The following STK10 variants were observed in gnomAD, a reference collection of about 807,000 sequenced individuals.
STK10 encodes serine/threonine kinase 10.
STK10 carries 78 observed loss-of-function variants against 113.8 expected under a neutral mutation model. The ratio of observed to expected loss-of-function variants is 0.69; its 90% confidence interval spans 0.57 to 0.83. The LOEUF (loss-of-function observed/expected upper bound fraction) is 0.83, where lower values mean the gene tolerates loss of function less well. STK10 is among the 40% of genes least tolerant of loss of function. The probability of loss-of-function intolerance (pLI) is 0.00; values close to 1 mark genes in which losing one functional copy is unlikely to be tolerated. For synonymous variants in STK10, 465 were observed against 494.7 expected, an observed-to-expected ratio of 0.94 and a Z score of 0.80; for missense variants, 1,109 against 1,280.1, an observed-to-expected ratio of 0.87 and a Z score of 2.04.
intron 7 of STK10, among the ~76,000 whole-genome samples, chr5:172,101,412 G>A (rs868568384): frequency 1.3e-4 from 20 of 151,630 alleles, no homozygotes; most frequent in African/African-American, 4.9e-4. Flanking sequence ...TGGAGGCTGC[G>A]GTAAGCCAAG....
At chr5:172,102,162 C>T (rs931512602) in intron 7 of STK10, among the ~76,000 whole-genome samples, 20 of 151,822 alleles carry the variant, frequency 1.3e-4, no homozygotes, top group African/African-American at 4.4e-4. Flanking sequence ...GGCAGCAGCC[C>T]GAGTGAGAGG....
chr5:172,071,212 C>CA (rs369407918), intron 12 of STK10, among the ~76,000 whole-genome samples: 1,355 of 26,518 alleles, frequency 0.051, 238 homozygotes, highest in Non-Finnish European at 0.071. Context: ...CTCTCTATCT[C>CA]AAAAAAAAAA....
intron 1 of STK10, among the ~76,000 whole-genome samples, chr5:172,162,918 C>T (rs569056709): frequency 6.6e-6 from 1 of 152,222 alleles, no homozygotes; most frequent in South Asian, 2.1e-4. Flanking sequence ...ACTGACCAGA[C>T]GGCCAGGCCT....
At position 172,043,117 on chromosome 5, in the gene STK10, C is replaced by G. The variant is rs1767414179; in HGVS notation, c.*1765G>C. ...TTTTTTTTTTTTTTTTTTTGAGAGACAGAGTCTCGCCCTGTCACCTAGGCT... is the reference window on the plus strand; with the variant it reads ...TTTTTTTTTTTTTTTTTTTGAGAGAGAGAGTCTCGCCCTGTCACCTAGGCT... On this transcript the variant is annotated 3_prime_UTR_variant, in exon 19 of 19. Transcript: ENST00000176763. 1 of 141,670 alleles carries G rather than the reference C, an allele frequency of 7.1e-6. No homozygotes were observed. Among genetic ancestry groups the G allele is most frequent in the African/African-American group, 2.7e-5 (1 of 37,066 alleles). The allele number at this position is 141,670 out of a possible 1,614,324, so 8.8% of individuals were successfully genotyped here.
chr5:172,082,602 A>C lies in STK10; in HGVS notation c.1810-97T>G, dbSNP rs1021980558. On this transcript the variant is annotated intron_variant, in intron 11 of 18. Transcript: ENST00000176763. This position sits in a 1 kb window ranked among gnomAD's most constrained non-coding sequence, Gnocchi z 4.3. Reference sequence around the variant, plus strand: ...TGGGGAGAACTCAGAGCTTGTGATCAGACCTAAGCTTGAATCCCAGCTCTA... The same window carrying C: ...TGGGGAGAACTCAGAGCTTGTGATCCGACCTAAGCTTGAATCCCAGCTCTA... The C allele has an allele frequency of 1.2e-5, 17 of 1,429,590 alleles. No homozygotes were observed. Among genetic ancestry groups the C allele is most frequent in the Non-Finnish European group, 1.6e-5 (17 of 1,069,224 alleles). 88.6% of individuals were successfully genotyped at this position (1,429,590 alleles called of 1,614,324 possible).
At chr5:172,089,423 T>C (rs1390590729) in intron 10 of STK10, among the ~76,000 whole-genome samples, 3 of 151,746 alleles carry the variant, frequency 2.0e-5, no homozygotes, top group Non-Finnish European at 4.4e-5. Context: ...GATGGATGGA[T>C]GGATGGATGG....
At chr5:172,095,655 C>T (rs114513947) in intron 8 of STK10, among the ~76,000 whole-genome samples, 3,924 of 152,356 alleles carry the variant, frequency 0.026, 91 homozygotes, top group Non-Finnish European at 0.039. Context: ...TGGTGAGGGT[C>T]TGCGCCAGCC....
intron 2 of STK10, among the ~76,000 whole-genome samples, chr5:172,139,428 G>A (rs370179254): frequency 1.3e-5 from 2 of 151,164 alleles, no homozygotes; most frequent in South Asian, 2.1e-4. Context: ...CTTGGGAGGT[G>A]AGAGGACTGC....
intron 3 of STK10, among the ~76,000 whole-genome samples, chr5:172,119,372 C>T (rs1372922303): frequency 6.6e-6 from 1 of 152,000 alleles, no homozygotes. Context: ...GTGGGTAGTC[C>T]ACGAGAAGTT....
At chr5:172,068,929 T>C (rs1207966579) in intron 12 of STK10, among the ~76,000 whole-genome samples, 1 of 151,664 alleles carries the variant, frequency 6.6e-6, no homozygotes, top group Non-Finnish European at 1.5e-5. Context: ...ATAACAAAAT[T>C]GAGAAAGTAT....
chr5:172,083,197 T>C (rs972753374), intron 10 of STK10, 113 bp from the exon 11 acceptor site: 8 of 1,402,024 alleles, frequency 5.7e-6, no homozygotes, highest in Non-Finnish European at 7.9e-6. Context: ...CACACAAGTC[T>C]GGGGCACAGG....
At chr5:172,164,718 T>C (rs1400121685) in intron 1 of STK10, among the ~76,000 whole-genome samples, 2 of 151,676 alleles carry the variant, frequency 1.3e-5, no homozygotes, top group Non-Finnish European at 2.9e-5. Context: ...TCTTAGGGAG[T>C]GGGTGAGTCT....
intron 2 of STK10, among the ~76,000 whole-genome samples, chr5:172,153,733 G>A (rs1047818597): frequency 3.0e-4 from 46 of 152,248 alleles, no homozygotes; most frequent in African/African-American, 1.1e-3. Context: ...ATGCGCCTGA[G>A]AACCATCACA....
At chr5:172,162,288 C>T (rs903527108) in intron 1 of STK10, among the ~76,000 whole-genome samples, 14 of 151,796 alleles carry the variant, frequency 9.2e-5, no homozygotes, top group African/African-American at 2.9e-4. Flanking sequence ...TGCAGTGAGC[C>T]GACTGCGCCA....
At chr5:172,145,265 GA>G (rs1285317788) in intron 2 of STK10, among the ~76,000 whole-genome samples, 4 of 152,222 alleles carry the variant, frequency 2.6e-5, no homozygotes, top group African/African-American at 9.6e-5. Flanking sequence ...CTGCCCTGAG[GA>G]AAGTGACCCC....
At chr5:172,185,983 C>T (rs565104822) in intron 1 of STK10, among the ~76,000 whole-genome samples, 130 of 152,202 alleles carry the variant, frequency 8.5e-4, no homozygotes, top group African/African-American at 2.7e-3. Flanking sequence ...GGAAACAAAA[C>T]AGGCACCAGG....
At chr5:172,127,735 C>T (rs542484402) in intron 2 of STK10, among the ~76,000 whole-genome samples, 16 of 152,354 alleles carry the variant, frequency 1.1e-4, no homozygotes, top group South Asian at 2.1e-4. Flanking sequence ...TCCTCGCTCC[C>T]GCCTATGCGC....
Position 172,082,464 on chromosome 5 carries a change from C to T in STK10, c.1851G>A (p.Glu617=), listed in dbSNP as rs779609980. 4.4e-6 allele frequency: 7 copies of T among 1,607,238 alleles called. No individual in the cohort carries two copies. In the South Asian group the frequency reaches 5.6e-5, roughly 13 times the overall value. ...TCTCCACTTGCTGCTTTTGCTGACG[C>T]TCCAGGTTCTCTAATTCCGTGTCAA... ...KFFDTELENL[E]RQQKQQVEKM... The change falls in exon 12 of 19, where the codon GAG becomes GAA. Residue 617 remains glutamate, a synonymous_variant. Coordinates refer to ENST00000176763, the MANE Select transcript of STK10 (RefSeq NM_005990.4). The surrounding 1 kb of genome is among the most constrained non-coding windows in gnomAD (Gnocchi z 4.3).
intron 2 of STK10, among the ~76,000 whole-genome samples, chr5:172,132,627 A>G (rs964624905): frequency 1.3e-5 from 2 of 152,176 alleles, no homozygotes; most frequent in African/African-American, 2.4e-5. Flanking sequence ...TAAGCAGCCT[A>G]TATTTGCAGG....
Sources: allele counts gnomAD v4.1 joint callset (sites outside exome capture counted in the v4.1 genomes callset), GRCh38; gene constraint gnomAD v4.1.1; non-coding constraint Gnocchi (gnomAD v3.1); transcripts MANE v1.5; gene names NCBI Gene and HGNC (gene_info 2026-07-23, HGNC 2026-07-21).